Variants in SLC35D4 observed in about 807,000 individuals in gnomAD.
SLC35D4 encodes the protein solute carrier family 35 member D4.
At chr18:23,436,825 G>A in the SLC35D4 span, among the ~76,000 whole-genome samples, 1 of 152,110 alleles carries the variant, frequency 6.6e-6, no homozygotes, top group African/African-American at 2.4e-5. Flanking sequence ...ACTGGAGAAG[G>A]AAAGGGGGTT....
the SLC35D4 span, among the ~76,000 whole-genome samples, chr18:23,386,088 G>A: frequency 2.2e-5 from 3 of 136,856 alleles, no homozygotes; most frequent in African/African-American, 5.7e-5. Flanking sequence ...AGCTGAGATC[G>A]CACTCCAGCC....
At chr18:23,434,835 A>G in the SLC35D4 span, among the ~76,000 whole-genome samples, 1 of 151,292 alleles carries the variant, frequency 6.6e-6, no homozygotes. Context: ...TGGGGCTCCA[A>G]AAAATTTTGA....
At chr18:23,395,196 T>G in the SLC35D4 span, among the ~76,000 whole-genome samples, 1 of 152,124 alleles carries the variant, frequency 6.6e-6, no homozygotes, top group African/African-American at 2.4e-5. Flanking sequence ...ACAGGGACAT[T>G]AGGGGCGGAT....
At chr18:23,246,511 C>A in the SLC35D4 span, among the ~76,000 whole-genome samples, 2 of 152,088 alleles carry the variant, frequency 1.3e-5, no homozygotes, top group East Asian at 3.9e-4. Context: ...CCTGCGTCAG[C>A]CTCCCAAGTA....
At chr18:23,427,410 A>G in the SLC35D4 span, among the ~76,000 whole-genome samples, 1 of 152,228 alleles carries the variant, frequency 6.6e-6, no homozygotes, top group African/African-American at 2.4e-5. Context: ...CAACAGACAC[A>G]TGAAAAAATG....
the SLC35D4 span, chr18:23,309,809 T>C: frequency 1.3e-6 from 2 of 1,491,330 alleles, no homozygotes; most frequent in Non-Finnish European, 1.9e-6. Flanking sequence ...CCAATGTCAT[T>C]TTTTTCACAA....
the SLC35D4 span, among the ~76,000 whole-genome samples, chr18:23,377,958 T>C: frequency 1.1e-3 from 165 of 152,094 alleles, no homozygotes; most frequent in Admixed American, 3.7e-3. Flanking sequence ...AAATCTTACA[T>C]GCTAAGAAGA....
the SLC35D4 span, among the ~76,000 whole-genome samples, chr18:23,432,088 C>T: frequency 5.9e-5 from 9 of 152,304 alleles, no homozygotes; most frequent in Admixed American, 5.2e-4. Context: ...ATTCAATATG[C>T]TCTTCCCTAC....
At chr18:23,387,890 T>C in the SLC35D4 span, among the ~76,000 whole-genome samples, 21 of 152,350 alleles carry the variant, frequency 1.4e-4, no homozygotes, top group South Asian at 4.3e-3. Context: ...TTTTCATGTT[T>C]GTTAAGATTA....
chr18:23,390,388 G>T, the SLC35D4 span, among the ~76,000 whole-genome samples: 4 of 152,142 alleles, frequency 2.6e-5, no homozygotes, highest in African/African-American at 9.7e-5. Context: ...CAGCATTTTT[G>T]AAATAATTCT....
chr18:23,361,416 A>C, the SLC35D4 span, among the ~76,000 whole-genome samples: 1 of 152,196 alleles, frequency 6.6e-6, no homozygotes, highest in South Asian at 2.1e-4. Context: ...AAAGCTAATG[A>C]ATGAATCGGC....
At chr18:23,408,176 CACA>C in the SLC35D4 span, among the ~76,000 whole-genome samples, 125 of 106,072 alleles carry the variant, frequency 1.2e-3, 1 homozygote, top group Admixed American at 9.3e-3. Flanking sequence ...CACACACACA[CACA>C]CCCCTAACCT....
At chr18:23,266,615 C>T in the SLC35D4 span, among the ~76,000 whole-genome samples, 10 of 152,308 alleles carry the variant, frequency 6.6e-5, no homozygotes, top group African/African-American at 2.4e-4. Context: ...TCTCTTCAAC[C>T]AGGTGGCTTC....
the SLC35D4 span, among the ~76,000 whole-genome samples, chr18:23,250,563 A>C: frequency 6.6e-6 from 1 of 152,202 alleles, no homozygotes; most frequent in Admixed American, 6.5e-5. Flanking sequence ...AGTAGAAGGG[A>C]AATAAACCTG....
the SLC35D4 span, among the ~76,000 whole-genome samples, chr18:23,321,544 C>T: frequency 6.2e-4 from 94 of 152,280 alleles, 3 homozygotes; most frequent in East Asian, 0.017. Flanking sequence ...CAGCCTTAAC[C>T]TCCCAGGCTC....
At chr18:23,435,519 A>T in the SLC35D4 span, among the ~76,000 whole-genome samples, 1 of 152,234 alleles carries the variant, frequency 6.6e-6, no homozygotes, top group African/African-American at 2.4e-5. Context: ...CAAGCAAACC[A>T]AAAAAACTGC....
chr18:23,433,867 CA>C, the SLC35D4 span, among the ~76,000 whole-genome samples: 16 of 147,972 alleles, frequency 1.1e-4, no homozygotes, highest in African/African-American at 1.8e-4. Flanking sequence ...CTACTTTAGA[CA>C]AAAAAAAAAC....
chr18:23,246,325 CTTGT>C, the SLC35D4 span, among the ~76,000 whole-genome samples: 1 of 151,438 alleles, frequency 6.6e-6, no homozygotes, highest in Non-Finnish European at 1.5e-5. Context: ...GGAGTCGCTG[CTTGT>C]TTAATTAGCA....
At chr18:23,344,853 G>T in the SLC35D4 span, among the ~76,000 whole-genome samples, 1 of 152,020 alleles carries the variant, frequency 6.6e-6, no homozygotes, top group Admixed American at 6.5e-5. Context: ...GCCCGCCTTG[G>T]CCTCTCAAAG....
Sources: allele counts gnomAD v4.1 joint callset (sites outside exome capture counted in the v4.1 genomes callset), GRCh38; gene constraint gnomAD v4.1.1; transcripts MANE v1.5; gene names NCBI Gene and HGNC (gene_info 2026-07-23, HGNC 2026-07-21).